RPL7: variants seen among roughly 807,000 people sequenced by gnomAD.
RPL7 encodes ribosomal protein L7, also known as large ribosomal subunit protein uL30.
For synonymous variants in RPL7, 100 were observed against 102.2 expected (o/e 0.98, Z 0.13); for missense variants, 205 against 301.9 (o/e 0.68, Z 2.38).
chr8:73,292,002 A>T, intron 3 of RPL7, 92 bp from the exon 4 acceptor site: 1 of 1,450,832 alleles, frequency 6.9e-7, no homozygotes, highest in Non-Finnish European at 9.6e-7. Flanking sequence ...AATCCTACCT[A>T]AACAGATAGG....
In RPL7 at chr8:73,291,845, T is replaced by C. The variant is rs373211060; in HGVS notation, c.356A>G (p.Asn119Ser). 82 of 1,613,264 alleles carry C rather than the reference T, an allele frequency of 5.1e-5. No individual in the cohort carries two copies. The highest frequency in any genetic ancestry group is 6.2e-5 in the Non-Finnish European group (73 of 1,179,336). Residue 119 changes from asparagine (N) to serine (S), a missense_variant, in exon 4 of 7, where the codon AAT becomes AGT. Asn to Ser is a conservative substitution (Grantham distance 46, BLOSUM62 1). Coordinates refer to ENST00000352983, the MANE Select transcript of RPL7 (RefSeq NM_000971.4). ...CTTGTTGAGCTTCACAAAGGTTCCA[T>C]TGAAGATTTGACGAAGGCGAAGAAG... ...LQLLRLRQIF[N>S]GTFVKLNKAS...
At chr8:73,292,178 T>A in intron 3 of RPL7, 61 bp downstream of exon 3, 1 of 1,443,320 alleles carries the variant, frequency 6.9e-7, no homozygotes. Flanking sequence ...CTCCCAGAAG[T>A]AATGTGAAGG....
intron 1 of RPL7, 45 bp downstream of exon 1, chr8:73,293,554 T>C: frequency 6.2e-6 from 10 of 1,611,642 alleles, no homozygotes; most frequent in Non-Finnish European, 7.6e-6. Context: ...AGTATCTGGC[T>C]CTGGAGATGG....
intron 6 of RPL7, 133 bp from the exon 7 acceptor site, chr8:73,290,838 A>G (rs886539193): frequency 9.8e-5 from 55 of 559,414 alleles, no homozygotes; most frequent in Non-Finnish European, 1.5e-4. Flanking sequence ...AGACTCCCCA[A>G]AACAGGCTTT....
chr8:73,291,696 A>C (rs753030598), intron 4 of RPL7, 35 bp from the exon 5 acceptor site: 1 of 1,587,910 alleles, frequency 6.3e-7, no homozygotes. Context: ...TAAGGTGACC[A>C]CTGTTAAAAC....
chr8:73,292,461 C>A (rs1468520700), intron 2 of RPL7, 56 bp from the exon 3 acceptor site: 1 of 1,463,106 alleles, frequency 6.8e-7, no homozygotes, highest in East Asian at 2.3e-5. Context: ...ATTAGCAATG[C>A]CAATCATTAA....
chr8:73,293,435 T>C, intron 1 of RPL7, 164 bp downstream of exon 1: 1 of 836,304 alleles, frequency 1.2e-6, no homozygotes, highest in Non-Finnish European at 1.9e-6. Context: ...ACCGCCCGCA[T>C]CCCAACCCTA....
chr8:73,290,888 C>A (rs898386522), intron 6 of RPL7, 155 bp downstream of exon 6: 6 of 638,642 alleles, frequency 9.4e-6, no homozygotes, highest in East Asian at 2.8e-5. Flanking sequence ...AGTAAACAAA[C>A]CAACTGTAAT....
At chr8:73,292,615 C>G (rs1300400007) in intron 2 of RPL7, 74 bp downstream of exon 2, 1 of 1,199,374 alleles carries the variant, frequency 8.3e-7, no homozygotes, top group Admixed American at 2.0e-5. Context: ...TAAATCTTGC[C>G]AAGAACATTC....
intron 5 of RPL7, 48 bp downstream of exon 5, chr8:73,291,504 A>G: frequency 7.4e-7 from 1 of 1,351,076 alleles, no homozygotes; most frequent in Non-Finnish European, 1.0e-6. Flanking sequence ...AGAGGGTAAG[A>G]AATTATCGCA....
At chr8:73,291,315 A>G in intron 5 of RPL7, 63 bp from the exon 6 acceptor site, 1 of 1,361,020 alleles carries the variant, frequency 7.3e-7, no homozygotes, top group Non-Finnish European at 1.0e-6. Context: ...TAATTATTCA[A>G]AATCTTTTTG....
In RPL7 at chr8:73,291,068, G is replaced by A. The variant is rs1468491437; in HGVS notation, c.723C>T (p.Asn241=). The change falls in exon 6 of 7, where the codon AAC becomes AAT. Residue 241 remains asparagine, a synonymous_variant. Coordinates refer to ENST00000352983, the MANE Select transcript of RPL7 (RefSeq NM_000971.4). ...CTTAGTTCATTCTTCTAATAAGCCT[G>A]TTGATCTGGTCCTCCCTGTTGCCAG... ...GDAGNREDQI[N]RLIRRMN 1.2e-6 allele frequency: 2 copies of A among 1,609,732 alleles called. No individual in the cohort carries two copies. The highest frequency in any genetic ancestry group is 1.7e-6 in the Non-Finnish European group (2 of 1,177,668).
chr8:73,293,556 T>G (rs755175552), intron 1 of RPL7, 43 bp downstream of exon 1: 18 of 1,612,100 alleles, frequency 1.1e-5, no homozygotes, highest in Non-Finnish European at 1.5e-5. Flanking sequence ...TATCTGGCTC[T>G]GGAGATGGAG....
chr8:73,292,060 G>T (rs1485281860), intron 3 of RPL7, 150 bp from the exon 4 acceptor site: 25 of 1,225,132 alleles, frequency 2.0e-5, no homozygotes, highest in Non-Finnish European at 2.9e-5. Flanking sequence ...TTAAGAGAAG[G>T]GATAGGAGCT....
In RPL7 at chr8:73,291,821, T is replaced by C. The variant is rs764387544; in HGVS notation, c.380A>G (p.Lys127Arg). ...IFNGTFVKLNKASINMLRIVE... is the reference protein window; with the variant it reads ...IFNGTFVKLNRASINMLRIVE... ...AATCCTCAGCATGTTAATCGAAGCCTTGTTGAGCTTCACAAAGGTTCCATT... is the reference window on the plus strand; with the variant it reads ...AATCCTCAGCATGTTAATCGAAGCCCTGTTGAGCTTCACAAAGGTTCCATT... The change falls in exon 4 of 7, where the codon AAG (lysine) becomes AGG (arginine). Residue 127 changes from lysine (K) to arginine (R), a missense_variant. Transcript: ENST00000352983. 25 of 1,612,478 alleles carry C rather than the reference T, an allele frequency of 1.6e-5. No individual in the cohort carries two copies. The East Asian group carries it at 5.4e-4, about 35-fold the overall frequency.
Position 73,293,575 on chromosome 8 carries a change from T to C in RPL7, c.14+24A>G, listed in dbSNP as rs760064600. ...TGGCTCTGGAGATGGAGAAGGATTCTCAAGAGGACCAGAAGCAACTCACTC... is the reference window on the plus strand; with the variant it reads ...TGGCTCTGGAGATGGAGAAGGATTCCCAAGAGGACCAGAAGCAACTCACTC... On this transcript the variant is annotated intron_variant, in intron 1 of 6. Transcript: ENST00000352983. The C allele has an allele frequency of 4.3e-6, 7 of 1,613,536 alleles. No individual in the cohort carries two copies. In the South Asian group the frequency reaches 4.4e-5, roughly 10 times the overall value.
At position 73,291,027 on chromosome 8, in the gene RPL7, G is replaced by T; in HGVS notation, c.*1+16C>A. 2 of 1,591,084 alleles carry T rather than the reference G, an allele frequency of 1.3e-6. No homozygotes were observed. The highest frequency in any genetic ancestry group is 1.1e-5 in the South Asian group (1 of 90,542). ...TCTAACATTAACTCAACCTTTCTCA[G>T]GATGAGGTCTCTCACCTTAGTTCAT... On this transcript the variant is annotated intron_variant, in intron 6 of 6. Coordinates refer to ENST00000352983, the MANE Select transcript of RPL7 (RefSeq NM_000971.4).
chr8:73,293,662 A>G, upstream of RPL7: 1 of 1,610,976 alleles, frequency 6.2e-7, no homozygotes, highest in South Asian at 1.1e-5. Context: ...TGTCCACTTA[A>G]AGACTTCGCG....
rs1399972665 is a variant in RPL7 at position 73,291,192 on chromosome 8, C to T, written c.599G>A (p.Arg200His). 6.2e-7 allele frequency: 1 copy of T among 1,610,388 alleles called. No homozygotes were observed. Among genetic ancestry groups the T allele is most frequent in the South Asian group, 1.1e-5 (1 of 91,020 alleles). The change falls in exon 6 of 7, where the codon CGC becomes CAC. Residue 200 changes from arginine to histidine, a missense_variant. Arg to His is a conservative substitution (Grantham distance 29, BLOSUM62 0). Transcript: ENST00000352983. ...CAGGAAGTTATTTGCCTCTTTGAAG[C>T]GTTTTCCAACAGTATAGATCTCATG... is the stretch of plus-strand genomic sequence containing the variant. ...LIHEIYTVGK[R>H]FKEANNFLWP... is the part of the protein sequence containing the mutation.
Sources: gnomAD v4.1 joint callset for allele counts on GRCh38, gnomAD v4.1.1 for gene constraint, MANE v1.5 for transcripts, NCBI Gene and HGNC (gene_info 2026-07-23, HGNC 2026-07-21) for gene names.